The following HLCS variants were observed in gnomAD, a reference collection of about 807,000 sequenced individuals.
The protein encoded by HLCS is biotin--protein ligase.
A neutral mutation model predicts 75.0 loss-of-function variants in HLCS; 53 were observed. The ratio of observed to expected loss-of-function variants is 0.71; its 90% CI spans 0.57 to 0.89. HLCS has a LOEUF of 0.89. HLCS is among the 40% of genes least tolerant of loss of function. The probability of loss-of-function intolerance (pLI) is 0.00; values close to 1 mark genes in which losing one functional copy is unlikely to be tolerated. For synonymous variants in HLCS, 431 were observed against 428.6 expected, an observed-to-expected ratio of 1.01 and a Z score of -0.07; for missense variants, 966 against 1,074.0, an observed-to-expected ratio of 0.90 and a Z score of 1.41.
At chr21:36,961,956 GAAAAA>G in intron 2 of HLCS, 75 bp downstream of exon 2, 6 of 672,058 alleles carry the variant, frequency 8.9e-6, no homozygotes, top group Admixed American at 3.9e-5. Flanking sequence ...TCTGTCTCAG[GAAAAA>G]AAAAAAAAAA....
chr21:36,872,372 C>G (rs913195215), intron 6 of HLCS, among the ~76,000 whole-genome samples: 1 of 146,520 alleles, frequency 6.8e-6, no homozygotes, highest in Non-Finnish European at 1.5e-5. Flanking sequence ...GCCTGGGTGA[C>G]AGAGCGAGCC....
intron 6 of HLCS, among the ~76,000 whole-genome samples, chr21:36,854,235 T>A (rs981008897): frequency 1.3e-5 from 2 of 152,226 alleles, no homozygotes; most frequent in African/African-American, 4.8e-5. Flanking sequence ...CTTAAACACG[T>A]GTAAGGGGAT....
chr21:36,989,057 G>A (rs1453186543), intron 1 of HLCS, among the ~76,000 whole-genome samples: 2 of 146,252 alleles, frequency 1.4e-5, no homozygotes, highest in Non-Finnish European at 1.5e-5. Flanking sequence ...TTTTTTTTGA[G>A]ACAGGGTCTC....
At chr21:36,916,876 C>A (rs1426734871) in intron 5 of HLCS, among the ~76,000 whole-genome samples, 1 of 152,148 alleles carries the variant, frequency 6.6e-6, no homozygotes, top group Non-Finnish European at 1.5e-5. Flanking sequence ...AGCCGTTCTC[C>A]TGGAAGCAAA....
intron 6 of HLCS, among the ~76,000 whole-genome samples, chr21:36,869,713 C>T (rs2063705637): frequency 6.6e-6 from 1 of 152,164 alleles, no homozygotes; most frequent in Admixed American, 6.5e-5. Context: ...AATAAATTTT[C>T]TTCTAGATAC....
At chr21:36,774,950 C>T (rs1330002224) in intron 6 of HLCS, among the ~76,000 whole-genome samples, 1 of 152,222 alleles carries the variant, frequency 6.6e-6, no homozygotes, top group African/African-American at 2.4e-5. Context: ...ACACTACGGC[C>T]TGCCCTTTCC....
rs139969328 is a variant in HLCS at position 36,870,397 on chromosome 21, T to C, written c.1892+26463A>G. On this transcript the variant is annotated intron_variant, in intron 6 of 10. Coordinates refer to ENST00000674895, the MANE Select transcript of HLCS (RefSeq NM_001352514.2). ...TCATGATTATTAGCTATTAATTCCT[T>C]ATTTTTCTTAGTTATTACTTGCATG... Among the ~76,000 whole-genome samples the C allele has an allele frequency of 3.3e-3, 505 of 152,350 alleles. 3 individuals carry two copies. The highest frequency in any genetic ancestry group is 0.012 in the African/African-American group (490 of 41,584).
chr21:36,876,277 G>C (rs151322066), intron 6 of HLCS, among the ~76,000 whole-genome samples: 1 of 152,264 alleles, frequency 6.6e-6, no homozygotes, highest in Non-Finnish European at 1.5e-5. Context: ...CAGCCACAGA[G>C]GTTTCTGGCT....
intron 5 of HLCS, among the ~76,000 whole-genome samples, chr21:36,909,437 C>T (rs1422913191): frequency 6.6e-6 from 1 of 152,144 alleles, no homozygotes; most frequent in Non-Finnish European, 1.5e-5. Flanking sequence ...GTCCAAATAA[C>T]ACCAATATCT....
chr21:36,827,589 C>A (rs1249521206), intron 6 of HLCS, among the ~76,000 whole-genome samples: 16 of 138,944 alleles, frequency 1.2e-4, no homozygotes, highest in East Asian at 6.0e-4. Context: ...AAAAAAAAAA[C>A]CAACAAAAAA....
chr21:36,833,339 C>CT lies in HLCS; in HGVS notation c.1892+63520dup, dbSNP rs2146059273. Among the ~76,000 whole-genome samples the CT allele has an allele frequency of 2.0e-5, 3 of 150,644 alleles. No homozygotes were observed. In the South Asian group the frequency reaches 6.5e-4, roughly 32 times the overall value. Reference sequence around the variant, plus strand: ...ATGGCTCACACCTGTAATCTCAGCACTTTGGGAGGCCAAGGTGGGTGGATC... The same window carrying CT: ...ATGGCTCACACCTGTAATCTCAGCACTTTTGGGAGGCCAAGGTGGGTGGATC... On this transcript the variant is annotated intron_variant, in intron 6 of 10. Coordinates refer to ENST00000674895, the MANE Select transcript of HLCS (RefSeq NM_001352514.2).
intron 2 of HLCS, among the ~76,000 whole-genome samples, chr21:36,961,346 C>T (rs943171573): frequency 3.3e-5 from 5 of 152,144 alleles, no homozygotes; most frequent in Admixed American, 6.6e-5. Flanking sequence ...ATACAAGCCA[C>T]ACACGTGGTT....
At chr21:36,829,502 G>C (rs185033849) in intron 6 of HLCS, among the ~76,000 whole-genome samples, 1 of 151,862 alleles carries the variant, frequency 6.6e-6, no homozygotes, top group South Asian at 2.1e-4. Flanking sequence ...ATAATATACA[G>C]GTATTACTAT....
chr21:36,911,636 C>A (rs1175463981), intron 5 of HLCS, among the ~76,000 whole-genome samples: 1 of 149,424 alleles, frequency 6.7e-6, no homozygotes, highest in Non-Finnish European at 1.5e-5. Flanking sequence ...GTAGTCCCAG[C>A]TACTTGGGAG....
In HLCS at chr21:36,966,662, C is replaced by A. The variant is rs1366541139; in HGVS notation, c.-24G>T. The A allele has an allele frequency of 1.0e-6, 1 of 966,346 alleles. No homozygotes were observed. Among genetic ancestry groups the A allele is most frequent in the South Asian group, 4.8e-5 (1 of 21,048 alleles). The allele number at this position is 966,346 out of a possible 1,614,324, so 59.9% of individuals were successfully genotyped here. A position where few individuals can be genotyped will look rare whatever the true frequency, so the allele number is the denominator to read the frequency against. On this transcript the variant is annotated 5_prime_UTR_variant, in exon 1 of 11. Coordinates refer to ENST00000674895, the MANE Select transcript of HLCS (RefSeq NM_001352514.2). ...ATGGCCGCGCCGCCGGCAGGGCGAGCCCGCCTTGCCCGCCCGCCCCAGCGC... is the reference window on the plus strand; with the variant it reads ...ATGGCCGCGCCGCCGGCAGGGCGAGACCGCCTTGCCCGCCCGCCCCAGCGC...
chr21:36,754,857 C>T (rs1238916375), intron 10 of HLCS, among the ~76,000 whole-genome samples: 1 of 152,164 alleles, frequency 6.6e-6, no homozygotes, highest in Non-Finnish European at 1.5e-5. Flanking sequence ...TCATCCTGAT[C>T]CTACTTCTTT....
chr21:36,879,734 C>T (rs1378159179), intron 6 of HLCS, among the ~76,000 whole-genome samples: 1 of 151,984 alleles, frequency 6.6e-6, no homozygotes, highest in Non-Finnish European at 1.5e-5. Flanking sequence ...AAAAGTGAGA[C>T]CTTGTCTCTA....
rs371987815 is a variant in HLCS at position 36,831,888 on chromosome 21, G to A, written c.1893-64603C>T. Among the ~76,000 whole-genome samples, 149 of 152,058 alleles carry A rather than the reference G, an allele frequency of 9.8e-4. 1 individual carries two copies. Among genetic ancestry groups the A allele is most frequent in the African/African-American group, 3.4e-3 (142 of 41,480 alleles). ...TAAATCACTGGCTCTGAGCAATTTCGCTAGAAATGCTCCCTAATGACCTGC... is the reference window on the plus strand; with the variant it reads ...TAAATCACTGGCTCTGAGCAATTTCACTAGAAATGCTCCCTAATGACCTGC... On this transcript the variant is annotated intron_variant, in intron 6 of 10. Transcript: ENST00000674895.
chr21:36,902,282 A>T (rs181621889), intron 5 of HLCS, among the ~76,000 whole-genome samples: 3 of 152,278 alleles, frequency 2.0e-5, no homozygotes, highest in Non-Finnish European at 2.9e-5. Flanking sequence ...AGAGGGGAGA[A>T]ACAGCAGCAT....
Sources: allele counts gnomAD v4.1 joint callset (sites outside exome capture counted in the v4.1 genomes callset), GRCh38; gene constraint gnomAD v4.1.1; transcripts MANE v1.5; gene names NCBI Gene and HGNC (gene_info 2026-07-23, HGNC 2026-07-21).